The following COL23A1 variants were observed in gnomAD, a reference collection of about 807,000 sequenced individuals.
COL23A1 encodes collagen alpha-1(XXIII) chain.
In COL23A1, 97 loss-of-function variants were observed where a neutral mutation model predicts 99.3. The ratio of observed to expected loss-of-function variants is 0.98; its 90% confidence interval spans 0.83 to 1.16. COL23A1 has a LOEUF of 1.16. Ranked by LOEUF, COL23A1 falls within the 50% of genes most tolerant of loss-of-function variation. The pLI, the probability that COL23A1 is intolerant of heterozygous loss-of-function variation, is 0.00. For synonymous variants in COL23A1, 320 were observed against 308.2 expected, an observed-to-expected ratio of 1.04 and a Z score of -0.40; for missense variants, 762 against 757.4, an observed-to-expected ratio of 1.01 and a Z score of -0.07.
At chr5:178,407,270 C>G (rs1764814727) in intron 2 of COL23A1, among the ~76,000 whole-genome samples, 1 of 152,188 alleles carries the variant, frequency 6.6e-6, no homozygotes. Context: ...AATGGAAGCT[C>G]AGTTGAAAAG....
At chr5:178,332,233 C>G (rs1370428798) in intron 2 of COL23A1, among the ~76,000 whole-genome samples, 1 of 152,198 alleles carries the variant, frequency 6.6e-6, no homozygotes, top group East Asian at 1.9e-4. Context: ...ATGCTTTCCA[C>G]AGCGCAAGCC....
chr5:178,304,728 T>C (rs1758260178), intron 3 of COL23A1, among the ~76,000 whole-genome samples: 1 of 152,104 alleles, frequency 6.6e-6, no homozygotes, highest in Admixed American at 6.5e-5. Flanking sequence ...GACACCACAC[T>C]GGAAAAACAA....
chr5:178,297,448 GCAGATGTTGCAGTGAGC>G (rs1757807000), intron 3 of COL23A1, among the ~76,000 whole-genome samples: 1 of 152,178 alleles, frequency 6.6e-6, no homozygotes, highest in African/African-American at 2.4e-5. Flanking sequence ...AACCTGGGAG[GCAGATGTTGCAGTGAGC>G]CAATATCAGG....
At chr5:178,288,525 C>T (rs71611422) in intron 4 of COL23A1, 175 bp from the exon 5 acceptor site, 2 of 679,592 alleles carry the variant, frequency 2.9e-6, no homozygotes, top group East Asian at 5.3e-5. Context: ...GCAGCCCTTT[C>T]CTGCCTCAGA....
chr5:178,314,721 T>G (rs67704749), intron 2 of COL23A1, among the ~76,000 whole-genome samples: 13,805 of 152,190 alleles, frequency 0.091, 693 homozygotes, highest in Middle Eastern at 0.15. Context: ...CGGTATTAAC[T>G]CACATATTCC....
chr5:178,420,031 T>C (rs1314210004), intron 2 of COL23A1, among the ~76,000 whole-genome samples: 5 of 152,200 alleles, frequency 3.3e-5, no homozygotes, highest in Non-Finnish European at 7.3e-5. Flanking sequence ...TCATTTCTTT[T>C]TCTCTTTTTT....
chr5:178,581,945 C>T (rs1035438667), intron 1 of COL23A1, among the ~76,000 whole-genome samples: 2 of 151,938 alleles, frequency 1.3e-5, no homozygotes, highest in Non-Finnish European at 2.9e-5. Flanking sequence ...GAAAGGATTG[C>T]GCAGAAAGTT....
chr5:178,253,468 T>A (rs115457640), intron 16 of COL23A1, among the ~76,000 whole-genome samples: 6,112 of 151,962 alleles, frequency 0.04, 407 homozygotes, highest in African/African-American at 0.14. Context: ...CTTCCCCCAA[T>A]ATGTTTTTAT....
At chr5:178,304,148 C>T (rs1386729982) in intron 3 of COL23A1, among the ~76,000 whole-genome samples, 1 of 152,132 alleles carries the variant, frequency 6.6e-6, no homozygotes, top group Non-Finnish European at 1.5e-5. Flanking sequence ...GGCAGGATCA[C>T]CCTATCTGCA....
chr5:178,516,931 C>A (rs192815787), intron 2 of COL23A1, among the ~76,000 whole-genome samples: 1 of 152,194 alleles, frequency 6.6e-6, no homozygotes, highest in Non-Finnish European at 1.5e-5. Flanking sequence ...GGGCTTCCTG[C>A]GCAGAAAGCT....
At chr5:178,251,025 A>ATTTT (rs70994990) in intron 17 of COL23A1, among the ~76,000 whole-genome samples, 3,732 of 121,224 alleles carry the variant, frequency 0.031, 102 homozygotes, top group East Asian at 0.093. Flanking sequence ...TCGCAAGATA[A>ATTTT]TTTTTTTTTT....
intron 5 of COL23A1, among the ~76,000 whole-genome samples, chr5:178,276,504 TG>T (rs1242701834): frequency 8.5e-5 from 13 of 152,052 alleles, no homozygotes; most frequent in Non-Finnish European, 2.9e-5. Context: ...ACAAGGCTGG[TG>T]GGGCCTGAGG....
chr5:178,349,052 G>A (rs1761151201), intron 2 of COL23A1, among the ~76,000 whole-genome samples: 3 of 152,122 alleles, frequency 2.0e-5, no homozygotes, highest in South Asian at 2.1e-4. Context: ...GCGTCTTGCC[G>A]GGCAGTCTGG....
At chr5:178,562,069 GT>G (rs1357495682) in intron 1 of COL23A1, 1 of 532,456 alleles carries the variant, frequency 1.9e-6, no homozygotes, top group Non-Finnish European at 3.6e-6. Context: ...CGGTGGGTTC[GT>G]GGTCTCGCTG....
intron 18 of COL23A1, among the ~76,000 whole-genome samples, chr5:178,249,716 A>ACACTCT: frequency 2.5e-4 from 23 of 92,804 alleles, no homozygotes; most frequent in African/African-American, 8.1e-4. Context: ...ACACACACAC[A>ACACTCT]CTCTCTCTCT....
chr5:178,384,242 C>A lies in COL23A1; in HGVS notation c.362-77323G>T, dbSNP rs1305139313. 6.6e-6 allele frequency among the ~76,000 whole-genome samples: 1 copy of A among 152,196 alleles called. No homozygotes were observed. The highest frequency in any genetic ancestry group is 6.6e-5 in the Admixed American group (1 of 15,266). On this transcript the variant is annotated intron_variant, in intron 2 of 28. Coordinates refer to ENST00000390654, the MANE Select transcript of COL23A1 (RefSeq NM_173465.4). The surrounding 1 kb of genome is among the most constrained non-coding windows in gnomAD (Gnocchi z 5.5). ...ACGCTGCTGCGAGCTGAGCTGCGAT[C>A]GCAAATGCACGCAGCTCCCCGCCCA... is the stretch of plus-strand genomic sequence containing the variant.
At chr5:178,358,523 GTA>G (rs1024502523) in intron 2 of COL23A1, among the ~76,000 whole-genome samples, 6 of 129,796 alleles carry the variant, frequency 4.6e-5, no homozygotes, top group African/African-American at 9.4e-5. Flanking sequence ...ATGTGTGTAT[GTA>G]TGTCTAGTGT....
chr5:178,376,389 T>C (rs1763073958), intron 2 of COL23A1, among the ~76,000 whole-genome samples: 1 of 152,224 alleles, frequency 6.6e-6, no homozygotes, highest in Non-Finnish European at 1.5e-5. Flanking sequence ...TGGGACATGA[T>C]GGCTCAGAGA....
intron 2 of COL23A1, among the ~76,000 whole-genome samples, chr5:178,392,186 G>A (rs986216139): frequency 6.7e-6 from 1 of 148,430 alleles, no homozygotes; most frequent in Non-Finnish European, 1.5e-5. Context: ...GCACTACTCT[G>A]TGAGTATAAT....
Sources: gnomAD v4.1 joint callset for allele counts (sites outside exome capture counted in the v4.1 genomes callset) on GRCh38, gnomAD v4.1.1 for gene constraint, Gnocchi (gnomAD v3.1) non-coding constraint, MANE v1.5 for transcripts, NCBI Gene and HGNC (gene_info 2026-07-23, HGNC 2026-07-21) for gene names.